The following KCNN2 variants were observed in gnomAD, a reference collection of about 807,000 sequenced individuals.
The protein encoded by KCNN2 is small conductance calcium-activated potassium channel protein 2.
KCNN2 carries 24 observed loss-of-function variants against 55.5 expected under a neutral mutation model. The ratio of observed to expected loss-of-function variants is 0.43; its 90% confidence interval spans 0.31 to 0.61. The LOEUF (loss-of-function observed/expected upper bound fraction) is 0.61. Among genes scored for constraint, KCNN2 ranks in the 20% least tolerant of loss-of-function variants. KCNN2 has a pLI of 0.08. For synonymous variants in KCNN2, 431 were observed against 336.1 expected, an observed-to-expected ratio of 1.28 and a Z score of -3.09; for missense variants, 754 against 853.6, an observed-to-expected ratio of 0.88 and a Z score of 1.45.
intron 1 of KCNN2, among the ~76,000 whole-genome samples, chr5:114,088,431 T>C (rs1455160927): frequency 1.3e-5 from 2 of 152,052 alleles, no homozygotes; most frequent in African/African-American, 4.8e-5. Flanking sequence ...TCTGTTCTTC[T>C]GGGACTCCAG....
At chr5:114,240,471 C>G (rs1487073920) in intron 2 of KCNN2, among the ~76,000 whole-genome samples, 2 of 144,866 alleles carry the variant, frequency 1.4e-5, no homozygotes, top group Non-Finnish European at 3.0e-5. Flanking sequence ...CACTCTTTTA[C>G]CCAGGCTGGA....
chr5:114,482,131 A>G (rs1762256519), intron 5 of KCNN2, among the ~76,000 whole-genome samples: 1 of 152,252 alleles, frequency 6.6e-6, no homozygotes, highest in South Asian at 2.1e-4. Flanking sequence ...CAATCTGTCC[A>G]TCTGACAAAG....
rs566949745 is a variant in KCNN2, at chr5:114,171,675, T to C, written c.-270-49805T>C. 4.7e-3 allele frequency among the ~76,000 whole-genome samples: 294 copies of C among 62,654 alleles called. 6 individuals carry two copies. The highest frequency in any genetic ancestry group is 6.7e-4 in the East Asian group (1 of 1,496). The allele number at this position is 62,654 out of a possible 152,430, so 41.1% of individuals were successfully genotyped here. On this transcript the variant is annotated intron_variant, in intron 1 of 10. Transcript: ENST00000512097. ...GAATTCCAGAGCCTCGCTTTTCTTA[T>C]ATGCTTTTTTTTTTTGAGAACTGTG...
At chr5:114,365,768 T>A (rs1360427631) in intron 2 of KCNN2, among the ~76,000 whole-genome samples, 2 of 152,240 alleles carry the variant, frequency 1.3e-5, no homozygotes, top group African/African-American at 4.8e-5. Flanking sequence ...TACATATTTT[T>A]AAAAATCAAG....
intron 1 of KCNN2, among the ~76,000 whole-genome samples, chr5:114,178,125 A>T (rs555971867): frequency 6.6e-6 from 1 of 152,234 alleles, no homozygotes; most frequent in Non-Finnish European, 1.5e-5. Flanking sequence ...ATAATAAAAC[A>T]TGCTGAGATA....
chr5:114,224,685 C>G (rs1302039184), intron 2 of KCNN2, among the ~76,000 whole-genome samples: 1 of 152,134 alleles, frequency 6.6e-6, no homozygotes, highest in East Asian at 1.9e-4. Context: ...GAACATTGGG[C>G]TCAGTAGTAG....
intron 1 of KCNN2, among the ~76,000 whole-genome samples, chr5:114,188,345 T>G (rs1269941734): frequency 6.6e-6 from 1 of 152,170 alleles, no homozygotes; most frequent in Non-Finnish European, 1.5e-5. Flanking sequence ...ACACATTCAT[T>G]TCTCATTGCA....
At chr5:114,225,862 A>G (rs1328260719) in intron 2 of KCNN2, among the ~76,000 whole-genome samples, 1 of 152,232 alleles carries the variant, frequency 6.6e-6, no homozygotes, top group African/African-American at 2.4e-5. Flanking sequence ...TCAGAAAGAT[A>G]ATCATCCACG....
At chr5:114,428,984 T>A (rs1759709397) in intron 3 of KCNN2, among the ~76,000 whole-genome samples, 1 of 152,180 alleles carries the variant, frequency 6.6e-6, no homozygotes, top group South Asian at 2.1e-4. Flanking sequence ...GGCATCTTGG[T>A]GGCTTCCAAG....
intron 2 of KCNN2, among the ~76,000 whole-genome samples, chr5:114,280,917 A>G: frequency 6.6e-6 from 1 of 152,054 alleles, no homozygotes; most frequent in East Asian, 1.9e-4. Flanking sequence ...TTCTGTTCTC[A>G]TTCTTGCCAA....
chr5:114,103,938 A>G (rs1192154988), intron 1 of KCNN2, among the ~76,000 whole-genome samples: 1 of 152,134 alleles, frequency 6.6e-6, no homozygotes, highest in Non-Finnish European at 1.5e-5. Context: ...TGCTGGCCTC[A>G]TAAAAAGAGT....
chr5:114,420,568 CCTG>C (rs1759443540), intron 3 of KCNN2, among the ~76,000 whole-genome samples: 1 of 152,172 alleles, frequency 6.6e-6, no homozygotes, highest in African/African-American at 2.4e-5. Context: ...ATGAAGTTTG[CCTG>C]CTATCTCTCT....
At chr5:114,133,111 A>G (rs1344158650) in intron 1 of KCNN2, among the ~76,000 whole-genome samples, 2 of 152,198 alleles carry the variant, frequency 1.3e-5, no homozygotes, top group Non-Finnish European at 2.9e-5. Flanking sequence ...TTTAGGAAAC[A>G]TAATTAATGA....
At chr5:114,488,193 G>C (rs764931499) in intron 6 of KCNN2, among the ~76,000 whole-genome samples, 15 of 152,128 alleles carry the variant, frequency 9.9e-5, no homozygotes, top group Non-Finnish European at 2.1e-4. Context: ...TGAAAATGTA[G>C]AATATGTAAT....
At chr5:114,326,748 T>C (rs926412297) in intron 2 of KCNN2, among the ~76,000 whole-genome samples, 2 of 152,182 alleles carry the variant, frequency 1.3e-5, no homozygotes, top group East Asian at 3.9e-4. Flanking sequence ...AAAGAAATTT[T>C]AGATTTTTTT....
intron 6 of KCNN2, among the ~76,000 whole-genome samples, chr5:114,491,590 A>G (rs6897063): frequency 0.058 from 8,612 of 148,664 alleles, 774 homozygotes; most frequent in African/African-American, 0.2. Context: ...CCAGACTATG[A>G]TGTTTTTCTT....
chr5:114,238,594 C>T (rs1041562805), intron 2 of KCNN2, among the ~76,000 whole-genome samples: 5 of 151,330 alleles, frequency 3.3e-5, no homozygotes, highest in African/African-American at 1.2e-4. Flanking sequence ...GCACTGCACT[C>T]CAGTCTGGGT....
At chr5:114,176,120 T>G (rs1469023745) in intron 1 of KCNN2, among the ~76,000 whole-genome samples, 1 of 152,198 alleles carries the variant, frequency 6.6e-6, no homozygotes, top group African/African-American at 2.4e-5. Flanking sequence ...TTCAGCTGGA[T>G]AATTCTTTGT....
chr5:114,320,712 T>C (rs1161480829), intron 2 of KCNN2, among the ~76,000 whole-genome samples: 1 of 151,870 alleles, frequency 6.6e-6, no homozygotes, highest in Non-Finnish European at 1.5e-5. Context: ...AGGGGTAGGG[T>C]GCATGGTTTG....
Sources: gnomAD v4.1 joint callset for allele counts (sites outside exome capture counted in the v4.1 genomes callset) on GRCh38, gnomAD v4.1.1 for gene constraint, MANE v1.5 for transcripts, NCBI Gene and HGNC (gene_info 2026-07-23, HGNC 2026-07-21) for gene names.